Variants in HSD17B11 observed in about 807,000 individuals in gnomAD.
The protein encoded by HSD17B11 is hydroxysteroid 17-beta dehydrogenase 11.
Under a neutral mutation model 27.8 loss-of-function variants are expected in HSD17B11, and 22 were observed. The ratio of observed to expected loss-of-function variants is 0.79; its 90% CI spans 0.56 to 1.13. The LOEUF (loss-of-function observed/expected upper bound fraction) is 1.13. HSD17B11 is among the 50% of genes most tolerant of loss of function. The pLI is 0.00. For synonymous variants in HSD17B11, 117 were observed against 132.8 expected (o/e 0.88, Z 0.82); for missense variants, 314 against 351.1 (o/e 0.89, Z 0.84).
chr4:87,378,895 AATATATAT>A (rs1303288739), intron 2 of HSD17B11, among the ~76,000 whole-genome samples: 2 of 8,422 alleles, frequency 2.4e-4, no homozygotes, highest in African/African-American at 9.2e-4. Flanking sequence ...TATATATATA[AATATATAT>A]AAATATATAT....
At chr4:87,377,633 G>C (rs1735858808) in intron 2 of HSD17B11, among the ~76,000 whole-genome samples, 1 of 152,130 alleles carries the variant, frequency 6.6e-6, no homozygotes, top group African/African-American at 2.4e-5. Flanking sequence ...AATTCCAAGG[G>C]GTAGCAATGC....
chr4:87,339,455 A>C (rs1244446618), intron 6 of HSD17B11, among the ~76,000 whole-genome samples: 1 of 152,228 alleles, frequency 6.6e-6, no homozygotes, highest in East Asian at 1.9e-4. Context: ...GGTCCAACTC[A>C]AACATCCATG....
chr4:87,366,914 T>A (rs1041599584), intron 4 of HSD17B11, among the ~76,000 whole-genome samples: 2 of 151,200 alleles, frequency 1.3e-5, no homozygotes, highest in African/African-American at 4.8e-5. Context: ...ACTGAACCAA[T>A]AGAAAACTGA....
At chr4:87,368,128 T>C (rs1186327816) in intron 4 of HSD17B11, among the ~76,000 whole-genome samples, 1 of 152,002 alleles carries the variant, frequency 6.6e-6, no homozygotes, top group East Asian at 1.9e-4. Context: ...CCATCCTGGC[T>C]AACATGGTGA....
At chr4:87,368,114 A>G (rs57721329) in intron 4 of HSD17B11, among the ~76,000 whole-genome samples, 1,677 of 152,186 alleles carry the variant, frequency 0.011, 23 homozygotes, top group African/African-American at 0.038. Flanking sequence ...TCAGGAGATC[A>G]AGACCATCCT....
intron 5 of HSD17B11, among the ~76,000 whole-genome samples, chr4:87,345,714 A>C (rs532924433): frequency 4.6e-5 from 7 of 152,306 alleles, no homozygotes; most frequent in Middle Eastern, 3.4e-3. Flanking sequence ...TACATGAAAT[A>C]TACAAACTCT....
At chr4:87,338,560 G>A (rs1026039088) in intron 6 of HSD17B11, among the ~76,000 whole-genome samples, 10 of 152,078 alleles carry the variant, frequency 6.6e-5, no homozygotes, top group African/African-American at 2.4e-4. Context: ...TTTTGAGGTA[G>A]GGTCTTGCTC....
At chr4:87,373,816 A>G (rs1005485046) in intron 3 of HSD17B11, among the ~76,000 whole-genome samples, 4 of 151,752 alleles carry the variant, frequency 2.6e-5, no homozygotes, top group African/African-American at 9.7e-5. Flanking sequence ...CTGCATTTTT[A>G]TAAACCCCAA....
chr4:87,380,489 G>T (rs947428125), intron 2 of HSD17B11, among the ~76,000 whole-genome samples: 2 of 119,300 alleles, frequency 1.7e-5, no homozygotes, highest in African/African-American at 2.9e-5. Context: ...AAAAAAAAAA[G>T]AAAAAAGAAA....
intron 5 of HSD17B11, among the ~76,000 whole-genome samples, chr4:87,345,806 A>T (rs1254286595): frequency 6.6e-6 from 1 of 152,198 alleles, no homozygotes; most frequent in East Asian, 1.9e-4. Context: ...ATCAGCAATC[A>T]AGAAACTTCC....
chr4:87,339,833 ACT>A (rs775962811), intron 6 of HSD17B11, among the ~76,000 whole-genome samples: 71 of 152,306 alleles, frequency 4.7e-4, no homozygotes, highest in Non-Finnish European at 9.6e-4. Flanking sequence ...CATTTTTTAA[ACT>A]TCCCAGGTGA....
At chr4:87,361,630 G>A (rs1316394319) in intron 4 of HSD17B11, among the ~76,000 whole-genome samples, 3 of 152,154 alleles carry the variant, frequency 2.0e-5, no homozygotes, top group East Asian at 1.9e-4. Context: ...AGCTGGGCAT[G>A]GTGGCGGGCA....
chr4:87,378,948 T>TATA lies in HSD17B11; in HGVS notation c.318+3306_318+3307insTAT, dbSNP rs1560769667. On this transcript the variant is annotated intron_variant, in intron 2 of 6. Coordinates refer to ENST00000358290, the MANE Select transcript of HSD17B11 (RefSeq NM_016245.5). ...TATATAAATATATATATATATATAT[T>TATA]TATATATATATATTTTTTTTTTTTT... Among the ~76,000 whole-genome samples the TATA allele has an allele frequency of 3.0e-3, 48 of 15,800 alleles. 2 individuals carry two copies. Among genetic ancestry groups the TATA allele is most frequent in the Non-Finnish European group, 4.6e-3 (44 of 9,666 alleles). 10.4% of individuals were successfully genotyped at this position (15,800 alleles called of 152,430 possible).
At chr4:87,343,547 CTT>C (rs11369073) in intron 5 of HSD17B11, among the ~76,000 whole-genome samples, 10 of 125,486 alleles carry the variant, frequency 8.0e-5, no homozygotes, top group Non-Finnish European at 8.1e-5. Context: ...CATTTCAACT[CTT>C]TTTTTTTTTT....
At chr4:87,375,674 G>C (rs1735808007) in intron 2 of HSD17B11, among the ~76,000 whole-genome samples, 1 of 152,252 alleles carries the variant, frequency 6.6e-6, no homozygotes, top group Non-Finnish European at 1.5e-5. Flanking sequence ...CCGAGAGGCG[G>C]AAGTTGCGGT....
Position 87,383,261 on chromosome 4 carries a change from A to G in HSD17B11, c.211-899T>C, listed in dbSNP as rs188456568. ...CCCACATGTCATATTAAGATTTATCAAAAAATGAATGAGGAGCCACTGATT... is the reference window on the plus strand; with the variant it reads ...CCCACATGTCATATTAAGATTTATCGAAAAATGAATGAGGAGCCACTGATT... On this transcript the variant is annotated intron_variant, in intron 1 of 6. Transcript: ENST00000358290. Among the ~76,000 whole-genome samples, 715 of 149,794 alleles carry G rather than the reference A, an allele frequency of 4.8e-3. 5 individuals carry two copies. Among genetic ancestry groups the G allele is most frequent in the African/African-American group, 0.017 (670 of 39,184 alleles).
chr4:87,370,743 A>T lies in HSD17B11; in HGVS notation c.557+1966T>A, dbSNP rs1299857335. 9.6e-4 allele frequency among the ~76,000 whole-genome samples: 6 copies of T among 6,264 alleles called. No individual in the cohort carries two copies. In the East Asian group the frequency reaches 0.022, roughly 23 times the overall value. 4.1% of individuals were successfully genotyped at this position (6,264 alleles called of 152,430 possible). Reference sequence around the variant, plus strand: ...AGATATTATTATTATTATTATTATTATTATTATTATTATTTTTTTTTTTTT... The same window carrying T: ...AGATATTATTATTATTATTATTATTTTTATTATTATTATTTTTTTTTTTTT... On this transcript the variant is annotated intron_variant, in intron 4 of 6. Coordinates refer to ENST00000358290, the MANE Select transcript of HSD17B11 (RefSeq NM_016245.5).
chr4:87,367,085 G>A (rs865997865), intron 4 of HSD17B11, among the ~76,000 whole-genome samples: 32 of 152,144 alleles, frequency 2.1e-4, no homozygotes, highest in Non-Finnish European at 2.1e-4. Context: ...CTCCGGAATG[G>A]AAACCAATTG....
chr4:87,354,653 AAAAAAAT>A (rs1735348221), intron 5 of HSD17B11, among the ~76,000 whole-genome samples: 4 of 151,598 alleles, frequency 2.6e-5, no homozygotes, highest in African/African-American at 7.3e-5. Context: ...AAAAAAAATA[AAAAAAAT>A]AAAAAAAGGA....
Sources: allele counts gnomAD v4.1 joint callset (sites outside exome capture counted in the v4.1 genomes callset), GRCh38; gene constraint gnomAD v4.1.1; transcripts MANE v1.5; gene names NCBI Gene and HGNC (gene_info 2026-07-23, HGNC 2026-07-21).